The following DSC3 variants were observed in gnomAD, a reference collection of about 807,000 sequenced individuals.
DSC3 encodes desmocollin 3, also known as desmocollin-3.
A neutral mutation model predicts 89.5 loss-of-function variants in DSC3; 97 were observed. The observed-to-expected ratio is 1.08, with a 90% CI of 0.92 to 1.28. The LOEUF (loss-of-function observed/expected upper bound fraction) is 1.28, where lower values mean the gene tolerates loss of function less well. Ranked by LOEUF, DSC3 falls within the 50% of genes most tolerant of loss-of-function variation. The pLI is 0.00. For missense variants in DSC3, 1,199 were observed against 1,085.3 expected, an observed-to-expected ratio of 1.10 and a Z score of -1.47; for synonymous variants, 436 against 384.1, an observed-to-expected ratio of 1.14 and a Z score of -1.58.
intron 1 of DSC3, among the ~76,000 whole-genome samples, 195 bp downstream of exon 1, chr18:31,042,397 C>T (rs1986162279): frequency 6.6e-6 from 1 of 152,222 alleles, no homozygotes; most frequent in Non-Finnish European, 1.5e-5. Flanking sequence ...AAGCTCAGTC[C>T]AGAGTCGACC....
chr18:30,992,930 G>A lies in DSC3; in HGVS notation c.*1245C>T, dbSNP rs1191651647. The A allele has an allele frequency of 6.6e-6, 1 of 152,162 alleles. No individual in the cohort carries two copies. The highest frequency in any genetic ancestry group is 2.4e-5 in the African/African-American group (1 of 41,434). 9.4% of individuals were successfully genotyped at this position (152,162 alleles called of 1,614,324 possible). ...TCAGGCCAATGCCACTCAGAAGAAG[G>A]GCAGTGAGGAGAAAAATGAAATTTT... On this transcript the variant is annotated 3_prime_UTR_variant, in exon 16 of 16. Transcript: ENST00000360428.
At chr18:31,035,403 A>T (rs1985937731) in intron 1 of DSC3, among the ~76,000 whole-genome samples, 1 of 152,110 alleles carries the variant, frequency 6.6e-6, no homozygotes, top group Non-Finnish European at 1.5e-5. Flanking sequence ...TCAGAAAATA[A>T]TAACCAGATT....
At chr18:31,039,863 T>C (rs1986079709) in intron 1 of DSC3, among the ~76,000 whole-genome samples, 1 of 152,196 alleles carries the variant, frequency 6.6e-6, no homozygotes, top group South Asian at 2.1e-4. Context: ...AATATACGTA[T>C]ACTATAATTT....
intron 1 of DSC3, among the ~76,000 whole-genome samples, chr18:31,041,938 C>A (rs894581376): frequency 6.6e-6 from 1 of 152,124 alleles, no homozygotes; most frequent in Non-Finnish European, 1.5e-5. Flanking sequence ...ACGACCCCAA[C>A]CCCCATTCTG....
chr18:31,031,889 T>C (rs1985802580), intron 2 of DSC3, among the ~76,000 whole-genome samples: 1 of 152,212 alleles, frequency 6.6e-6, no homozygotes, highest in Non-Finnish European at 1.5e-5. Flanking sequence ...TACTACTCAG[T>C]TAAGAAAAGA....
rs917227622 is a variant in DSC3 at position 31,010,634 on chromosome 18, A to T, written c.1264-2109T>A. On this transcript the variant is annotated intron_variant, in intron 9 of 15. Coordinates refer to ENST00000360428, the MANE Select transcript of DSC3 (RefSeq NM_001941.5). ...TACGTTTTTGTTTCGCCACTTAAAA[A>T]AAGTGCTTAAAAATATCCCACATCT... 2.0e-5 allele frequency among the ~76,000 whole-genome samples: 3 copies of T among 152,202 alleles called. No homozygotes were observed. The East Asian group carries it at 5.8e-4, about 29-fold the overall frequency.
intron 9 of DSC3, among the ~76,000 whole-genome samples, chr18:31,014,857 G>A (rs1985182818): frequency 6.6e-6 from 1 of 152,070 alleles, no homozygotes; most frequent in Non-Finnish European, 1.5e-5. Flanking sequence ...TTCCGGGGTG[G>A]ATCGCTAATA....
chr18:31,033,244 A>G (rs930437472), intron 1 of DSC3, among the ~76,000 whole-genome samples: 3 of 152,204 alleles, frequency 2.0e-5, no homozygotes, highest in Admixed American at 2.0e-4. Context: ...CAATCTGTAT[A>G]AAAATCCCAG....
chr18:31,035,187 A>G (rs2144736759), intron 1 of DSC3, among the ~76,000 whole-genome samples: 1 of 152,286 alleles, frequency 6.6e-6, no homozygotes, highest in South Asian at 2.1e-4. Flanking sequence ...TCACGGTAAC[A>G]TAACTGTAAA....
intron 9 of DSC3, among the ~76,000 whole-genome samples, chr18:31,014,810 G>T (rs1985181087): frequency 6.6e-6 from 1 of 152,086 alleles, no homozygotes; most frequent in Non-Finnish European, 1.5e-5. Flanking sequence ...GTAATGGAAA[G>T]ATAATTAATT....
At position 31,030,526 on chromosome 18, in the gene DSC3, C is replaced by A. The variant is rs183327074; in HGVS notation, c.354+447G>T. 9.0e-4 allele frequency among the ~76,000 whole-genome samples: 137 copies of A among 152,272 alleles called. 3 individuals are homozygous for A. In the South Asian group the frequency reaches 0.017, roughly 19 times the overall value. Reference sequence around the variant, plus strand: ...GTTCTATAATAGAGGGATAACCAAACTGACACCAGTGCACAAAAGACAATA... The same window carrying A: ...GTTCTATAATAGAGGGATAACCAAAATGACACCAGTGCACAAAAGACAATA... On this transcript the variant is annotated intron_variant, in intron 3 of 15. Transcript: ENST00000360428.
chr18:30,996,747 T>A (rs760152397), intron 15 of DSC3, 44 bp downstream of exon 15: 1 of 1,609,810 alleles, frequency 6.2e-7, no homozygotes, highest in East Asian at 2.2e-5. Flanking sequence ...TTTTCTCCAT[T>A]CGGAGGTTTA....
In DSC3 at chr18:30,990,027, T is replaced by C. The variant is rs1394715247; in HGVS notation, c.*4148A>G. 6.6e-6 allele frequency: 1 copy of C among 152,202 alleles called. No individual in the cohort carries two copies. The highest frequency in any genetic ancestry group is 1.5e-5 in the Non-Finnish European group (1 of 68,016). The allele number at this position is 152,202 out of a possible 1,614,324, so 9.4% of individuals were successfully genotyped here. On this transcript the variant is annotated 3_prime_UTR_variant, in exon 16 of 16. Coordinates refer to ENST00000360428, the MANE Select transcript of DSC3 (RefSeq NM_001941.5). The stretch of plus-strand genomic sequence containing the variant: ...GGAAATCATGTTTCGGGATTATATA[T>C]ATGCACAAACTTTATTTCCCTAAAA...
chr18:31,006,722 C>T (rs1019664197), intron 12 of DSC3, among the ~76,000 whole-genome samples, 185 bp downstream of exon 12: 1 of 152,180 alleles, frequency 6.6e-6, no homozygotes, highest in African/African-American at 2.4e-5. Context: ...ATAAAAATTA[C>T]ATCTTCCTTC....
intron 13 of DSC3, among the ~76,000 whole-genome samples, chr18:31,003,428 A>G (rs1041871670): frequency 1.3e-5 from 2 of 152,244 alleles, no homozygotes; most frequent in Non-Finnish European, 2.9e-5. Flanking sequence ...AAAAATAATG[A>G]ACACATTAGA....
At chr18:31,033,034 A>T (rs1040033833) in intron 1 of DSC3, among the ~76,000 whole-genome samples, 6 of 152,190 alleles carry the variant, frequency 3.9e-5, no homozygotes, top group Non-Finnish European at 7.4e-5. Flanking sequence ...AGCATTGAAA[A>T]ATTTGAAAAC....
chr18:31,002,269 T>A (rs1016490332), intron 13 of DSC3, among the ~76,000 whole-genome samples: 3 of 152,190 alleles, frequency 2.0e-5, no homozygotes, highest in African/African-American at 7.2e-5. Context: ...ACAACAACAA[T>A]TCTTCCAGTC....
rs921088340 is a variant in DSC3 at position 30,991,409 on chromosome 18, A to G, written c.*2766T>C. 2.0e-5 allele frequency: 3 copies of G among 152,626 alleles called. No homozygotes were observed. Among genetic ancestry groups the G allele is most frequent in the Non-Finnish European group, 4.4e-5 (3 of 68,038 alleles). The allele number at this position is 152,626 out of a possible 1,614,324, so 9.5% of individuals were successfully genotyped here. A position where few individuals can be genotyped will look rare whatever the true frequency, so the allele number is the denominator to read the frequency against. On this transcript the variant is annotated 3_prime_UTR_variant, in exon 16 of 16. Coordinates refer to ENST00000360428, the MANE Select transcript of DSC3 (RefSeq NM_001941.5). ...GAAATAATAATACTACATATGTGAA[A>G]ATATAGAAATGAATCCCTAAAATTA...
In DSC3 at chr18:31,018,753, G is replaced by T. The variant is rs139561457; in HGVS notation, c.990C>A (p.Gly330=). 2.5e-6 allele frequency: 4 copies of T among 1,613,584 alleles called. No homozygotes were observed. The highest frequency in any genetic ancestry group is 1.3e-5 in the African/African-American group (1 of 74,890). ...ATGTGCCTATCAATCCAAAAAACTG[G>T]CCATCCATGTCTTGTACTTTCATTA... is the stretch of plus-strand genomic sequence containing the variant. ...SLIMKVQDMD[G]QFFGLIGTST... is the part of the protein sequence containing the mutation. Residue 330 remains glycine (G), a synonymous_variant, in exon 8 of 16, where the codon GGC becomes GGA. Transcript: ENST00000360428.
Sources: gnomAD v4.1 joint callset for allele counts (sites outside exome capture counted in the v4.1 genomes callset) on GRCh38, gnomAD v4.1.1 for gene constraint, MANE v1.5 for transcripts, NCBI Gene and HGNC (gene_info 2026-07-23, HGNC 2026-07-21) for gene names.